MYO6: variants seen among roughly 807,000 people sequenced by gnomAD.
The protein encoded by MYO6 is myosin VI, also known as unconventional myosin-VI.
In MYO6, 74 loss-of-function variants were observed where a neutral mutation model predicts 178.7. The observed-to-expected ratio is 0.41, with a 90% CI of 0.34 to 0.50. The LOEUF (loss-of-function observed/expected upper bound fraction) is 0.50. Among genes scored for constraint, MYO6 ranks in the 20% least tolerant of loss-of-function variants. The pLI is 0.09. For synonymous variants in MYO6, 477 were observed against 504.6 expected (o/e 0.95, Z 0.73); for missense variants, 1,330 against 1,547.4 (o/e 0.86, Z 2.36).
Position 75,773,292 on chromosome 6 carries a change from C to T in MYO6, c.-48+23869C>T, listed in dbSNP as rs12662248. Among the ~76,000 whole-genome samples, 1,922 of 152,262 alleles carry T rather than the reference C, an allele frequency of 0.013. 63 individuals are homozygous for T. The East Asian group carries it at 0.13, about 10-fold the overall frequency. Reference sequence around the variant, plus strand: ...AAAAAGTGGAATGTTTGACTTAACACTCAACTCTGCAGCTGAACCATTGTG... The same window carrying T: ...AAAAAGTGGAATGTTTGACTTAACATTCAACTCTGCAGCTGAACCATTGTG... On this transcript the variant is annotated intron_variant, in intron 1 of 34. Transcript: ENST00000369977.
chr6:75,844,769 A>G (rs1416538099), intron 9 of MYO6, 128 bp from the exon 10 acceptor site: 2 of 711,446 alleles, frequency 2.8e-6, no homozygotes, highest in African/African-American at 3.6e-5. Flanking sequence ...GAATGGTGAG[A>G]TTATACAGTA....
At chr6:75,835,264 A>G (rs889191395) in intron 6 of MYO6, among the ~76,000 whole-genome samples, 2 of 152,212 alleles carry the variant, frequency 1.3e-5, no homozygotes, top group African/African-American at 2.4e-5. Flanking sequence ...AACAATGTCA[A>G]TTAGATGTTA....
chr6:75,807,664 G>T (rs1053112144), intron 1 of MYO6, among the ~76,000 whole-genome samples: 2 of 152,200 alleles, frequency 1.3e-5, no homozygotes, highest in Admixed American at 1.3e-4. Context: ...TATTTAGAAA[G>T]TAAAGGAATA....
At chr6:75,813,399 G>A (rs1770886042) in intron 1 of MYO6, among the ~76,000 whole-genome samples, 1 of 152,196 alleles carries the variant, frequency 6.6e-6, no homozygotes, top group Non-Finnish European at 1.5e-5. Context: ...GGTGGATGCT[G>A]CCAGTGCTGA....
chr6:75,821,023 C>T (rs1771818767), intron 2 of MYO6, among the ~76,000 whole-genome samples: 1 of 152,100 alleles, frequency 6.6e-6, no homozygotes, highest in Non-Finnish European at 1.5e-5. Flanking sequence ...AAAAAAGCCT[C>T]CTTCTTCTAA....
At chr6:75,829,845 G>T (rs1772896177) in intron 4 of MYO6, among the ~76,000 whole-genome samples, 1 of 152,138 alleles carries the variant, frequency 6.6e-6, no homozygotes, top group Non-Finnish European at 1.5e-5. Flanking sequence ...AACATATATT[G>T]TTTGGAAGAA....
intron 1 of MYO6, among the ~76,000 whole-genome samples, chr6:75,771,337 GT>G (rs558605332): frequency 2.0e-5 from 3 of 151,832 alleles, no homozygotes; most frequent in Middle Eastern, 3.4e-3. Context: ...TCTTCAAAGG[GT>G]TTTTTTTAGT....
At chr6:75,848,655 C>T (rs1349957336) in intron 11 of MYO6, 124 bp downstream of exon 11, 1 of 917,414 alleles carries the variant, frequency 1.1e-6, no homozygotes, top group Admixed American at 2.6e-5. Context: ...CTAAAATATA[C>T]TGAGTTAAAT....
chr6:75,874,998 G>A (rs541439016), intron 20 of MYO6, among the ~76,000 whole-genome samples: 6 of 152,274 alleles, frequency 3.9e-5, no homozygotes, highest in South Asian at 2.1e-4. Flanking sequence ...CTGACATGGC[G>A]TATGCCCCTG....
intron 2 of MYO6, among the ~76,000 whole-genome samples, chr6:75,821,135 T>A (rs963928375): frequency 1.3e-5 from 2 of 152,188 alleles, no homozygotes; most frequent in Admixed American, 6.5e-5. Context: ...CAGGACTCCT[T>A]ACTGGCCTTT....
At chr6:75,824,835 C>T (rs1477650678) in intron 3 of MYO6, among the ~76,000 whole-genome samples, 3 of 151,330 alleles carry the variant, frequency 2.0e-5, no homozygotes, top group Non-Finnish European at 2.9e-5. Context: ...TCTCAGCTCA[C>T]TGCAACCTTC....
intron 11 of MYO6, among the ~76,000 whole-genome samples, chr6:75,853,537 A>G (rs931834409): frequency 1.3e-5 from 2 of 152,134 alleles, no homozygotes; most frequent in African/African-American, 2.4e-5. Flanking sequence ...GTCCAGCTTC[A>G]TTCTTTTGCA....
rs1185969387 is a variant in MYO6, at chr6:75,798,189, TC to T, written c.-47-19311del. Among the ~76,000 whole-genome samples the T allele has an allele frequency of 2.0e-5, 3 of 152,226 alleles. No homozygotes were observed. In the East Asian group the frequency reaches 5.8e-4, roughly 29 times the overall value. Reference sequence around the variant, plus strand: ...GTGAAAGGTAGGGGTCCAGTTTCATTCTTCTGCATATGGCTAGCCAGTTATC... The same window carrying T: ...GTGAAAGGTAGGGGTCCAGTTTCATTTTCTGCATATGGCTAGCCAGTTATC... On this transcript the variant is annotated intron_variant, in intron 1 of 34. Coordinates refer to ENST00000369977, the MANE Select transcript of MYO6 (RefSeq NM_004999.4).
chr6:75,854,275 C>CTTTTTTTTTTTTTTT (rs61398235), intron 11 of MYO6, among the ~76,000 whole-genome samples: 3 of 45,498 alleles, frequency 6.6e-5, no homozygotes, highest in Non-Finnish European at 3.6e-5. Flanking sequence ...AACTGCATTG[C>CTTTTTTTTTTTTTTT]TTTTTTTTTT....
chr6:75,807,935 C>T (rs1214950435), intron 1 of MYO6, among the ~76,000 whole-genome samples: 1 of 152,118 alleles, frequency 6.6e-6, no homozygotes, highest in Non-Finnish European at 1.5e-5. Flanking sequence ...TTTTACCCAC[C>T]TCCTATTCAA....
chr6:75,901,766 A>C (rs942187016), intron 30 of MYO6, among the ~76,000 whole-genome samples: 1 of 152,132 alleles, frequency 6.6e-6, no homozygotes, highest in Admixed American at 6.6e-5. Context: ...ACTATGTTGA[A>C]TAGGAGTGGT....
chr6:75,890,170 A>C lies in MYO6; in HGVS notation c.2772A>C (p.Glu924Asp). 1 of 1,613,452 alleles carries C rather than the reference A, an allele frequency of 6.2e-7. No homozygotes were observed. The highest frequency in any genetic ancestry group is 1.3e-5 in the African/African-American group (1 of 75,026). ...QKKKQQEEEA[E>D]RLRRIQEEME... ...AAAAACAGCAGGAAGAGGAAGCAGA[A>C]AGGCTGAGGCGTATTCAAGAAGAAA... The change falls in exon 26 of 35, where the codon GAA becomes GAC. Residue 924 changes from glutamate to aspartate, a missense_variant. Transcript: ENST00000369977.
rs370647728 is a variant in MYO6 at position 75,753,455 on chromosome 6, G to GTGTGTATATATATATATA, written c.-48+4033_-48+4034insGTGTATATATATATATAT. On this transcript the variant is annotated intron_variant, in intron 1 of 34. Transcript: ENST00000369977. ...ATGATCTATATATGTGTGTGTGTGT[G>GTGTGTATATATATATATA]TATATATATATATATATATATATAT... is the stretch of plus-strand genomic sequence containing the variant. Among the ~76,000 whole-genome samples the GTGTGTATATATATATATA allele has an allele frequency of 1.8e-3, 253 of 139,952 alleles. 2 individuals carry two copies. Among genetic ancestry groups the GTGTGTATATATATATATA allele is most frequent in the African/African-American group, 6.3e-3 (234 of 37,144 alleles). The allele number at this position is 139,952 out of a possible 152,430, so 91.8% of individuals were successfully genotyped here. A position where few individuals can be genotyped will look rare whatever the true frequency, so the allele number is the denominator to read the frequency against.
Position 75,915,228 on chromosome 6 carries a change from A to G in MYO6, c.*216A>G, listed in dbSNP as rs1479039987. The G allele has an allele frequency of 1.0e-5, 6 of 582,254 alleles. No homozygotes were observed. In the African/African-American group the frequency reaches 1.1e-4, roughly 11 times the overall value. 36.1% of individuals were successfully genotyped at this position (582,254 alleles called of 1,614,324 possible). A position where few individuals can be genotyped will look rare whatever the true frequency, so the allele number is the denominator to read the frequency against. ...TTTTCTGTATCCCGCTGTAATTCCCAAAACTCTCATTATTCTCTAACTATT... is the reference window on the plus strand; with the variant it reads ...TTTTCTGTATCCCGCTGTAATTCCCGAAACTCTCATTATTCTCTAACTATT... On this transcript the variant is annotated 3_prime_UTR_variant, in exon 35 of 35. Coordinates refer to ENST00000369977, the MANE Select transcript of MYO6 (RefSeq NM_004999.4).
Sources: allele counts gnomAD v4.1 joint callset (sites outside exome capture counted in the v4.1 genomes callset), GRCh38; gene constraint gnomAD v4.1.1; transcripts MANE v1.5; gene names NCBI Gene and HGNC (gene_info 2026-07-23, HGNC 2026-07-21).